PPP1R14C: variants seen among roughly 807,000 people sequenced by gnomAD.
PPP1R14C encodes protein phosphatase 1 regulatory subunit 14C.
In PPP1R14C, 16 loss-of-function variants were observed where a neutral mutation model predicts 20.4. The ratio of observed to expected loss-of-function variants is 0.78; its 90% CI spans 0.53 to 1.19. The LOEUF is 1.19. Ranked by LOEUF, PPP1R14C falls within the 50% of genes most tolerant of loss-of-function variation. The pLI, the probability that PPP1R14C is intolerant of heterozygous loss-of-function variation, is 0.00. For synonymous variants in PPP1R14C, 91 were observed against 91.0 expected, an observed-to-expected ratio of 1.00 and a Z score of 0.00; for missense variants, 211 against 220.1, an observed-to-expected ratio of 0.96 and a Z score of 0.26.
At chr6:150,167,192 C>G (rs1054168447) in intron 1 of PPP1R14C, among the ~76,000 whole-genome samples, 1 of 152,048 alleles carries the variant, frequency 6.6e-6, no homozygotes, top group Admixed American at 6.6e-5. Flanking sequence ...CATGGCAAAC[C>G]CCATCTCTAC....
intron 3 of PPP1R14C, among the ~76,000 whole-genome samples, chr6:150,229,686 AG>A (rs1487466366): frequency 6.6e-6 from 1 of 152,142 alleles, no homozygotes; most frequent in Admixed American, 6.6e-5. Flanking sequence ...AAGTTAAAGG[AG>A]GGGGAAAAAA....
chr6:150,216,940 A>T (rs1582923243), intron 3 of PPP1R14C, 84 bp downstream of exon 3: 1 of 1,137,772 alleles, frequency 8.8e-7, no homozygotes, highest in East Asian at 2.4e-5. Context: ...AAACCACAAT[A>T]AGTAGGTTTG....
intron 1 of PPP1R14C, among the ~76,000 whole-genome samples, chr6:150,187,562 C>T (rs1490172095): frequency 2.0e-5 from 3 of 152,028 alleles, no homozygotes; most frequent in African/African-American, 4.8e-5. Context: ...TTTTCTGTTC[C>T]TGCATTAGTT....
chr6:150,200,377 C>T (rs1438870143), intron 1 of PPP1R14C, among the ~76,000 whole-genome samples: 1 of 152,148 alleles, frequency 6.6e-6, no homozygotes, highest in Non-Finnish European at 1.5e-5. Flanking sequence ...AATTACTCGC[C>T]TCTCTGGGAC....
intron 1 of PPP1R14C, among the ~76,000 whole-genome samples, chr6:150,182,373 T>C (rs1258954259): frequency 1.3e-5 from 2 of 152,202 alleles, no homozygotes; most frequent in Non-Finnish European, 1.5e-5. Flanking sequence ...GGCTGGGAAG[T>C]CCAAGGTTAG....
chr6:150,195,679 A>G (rs1777795793), intron 1 of PPP1R14C: 1 of 202,144 alleles, frequency 4.9e-6, no homozygotes, highest in Non-Finnish European at 8.8e-6. Context: ...TACACATAAT[A>G]TAAAATTTAA....
intron 3 of PPP1R14C, among the ~76,000 whole-genome samples, chr6:150,243,571 A>G (rs1778457605): frequency 6.6e-6 from 1 of 152,242 alleles, no homozygotes; most frequent in Non-Finnish European, 1.5e-5. Flanking sequence ...ACCTGATTTC[A>G]GGATTTACTA....
intron 2 of PPP1R14C, among the ~76,000 whole-genome samples, chr6:150,215,341 A>G (rs1778078077): frequency 2.0e-5 from 3 of 152,212 alleles, no homozygotes. Context: ...GGATATTGAG[A>G]TGTCTAGTAT....
At chr6:150,176,784 G>C (rs1777567617) in intron 1 of PPP1R14C, among the ~76,000 whole-genome samples, 1 of 152,240 alleles carries the variant, frequency 6.6e-6, no homozygotes, top group African/African-American at 2.4e-5. Flanking sequence ...CAGGTGTCTG[G>C]GTTTGCAGAG....
chr6:150,230,270 G>A (rs1433468619), intron 3 of PPP1R14C, among the ~76,000 whole-genome samples: 1 of 152,126 alleles, frequency 6.6e-6, no homozygotes, highest in Non-Finnish European at 1.5e-5. Context: ...CCACCCATCT[G>A]CTAATGTCAG....
At chr6:150,171,056 T>C (rs1415827400) in intron 1 of PPP1R14C, among the ~76,000 whole-genome samples, 1 of 152,022 alleles carries the variant, frequency 6.6e-6, no homozygotes, top group Non-Finnish European at 1.5e-5. Flanking sequence ...GACCCTCCAT[T>C]GGAGCGGTAC....
intron 3 of PPP1R14C, among the ~76,000 whole-genome samples, chr6:150,218,062 A>C (rs1235651986): frequency 1.3e-5 from 2 of 152,176 alleles, no homozygotes; most frequent in Admixed American, 1.3e-4. Context: ...ACTTGAGTGC[A>C]GCAGTTCAAG....
At chr6:150,217,195 ATTTTTTTT>A (rs397886649) in intron 3 of PPP1R14C, among the ~76,000 whole-genome samples, 3 of 135,654 alleles carry the variant, frequency 2.2e-5, no homozygotes, top group Non-Finnish European at 4.8e-5. Flanking sequence ...ATTGGTATGT[ATTTTTTTT>A]TTTTTTTTTT....
chr6:150,158,180 G>C (rs1021447391), intron 1 of PPP1R14C, among the ~76,000 whole-genome samples: 3 of 152,010 alleles, frequency 2.0e-5, no homozygotes, highest in African/African-American at 7.3e-5. Flanking sequence ...CAAAAGCTCA[G>C]AATATTTATG....
At chr6:150,167,375 A>G (rs369998561) in intron 1 of PPP1R14C, among the ~76,000 whole-genome samples, 17 of 151,422 alleles carry the variant, frequency 1.1e-4, no homozygotes, top group Admixed American at 6.6e-4. Flanking sequence ...CTCGGGGGGG[A>G]AAAAAACAAA....
chr6:150,249,860 T>C lies in PPP1R14C; in HGVS notation c.*1040T>C, dbSNP rs1414094662. On this transcript the variant is annotated 3_prime_UTR_variant, in exon 4 of 4. Transcript: ENST00000361131. ...AGTGTCAAGGTGAGAAAGCCTCACATTCTCTCAAGACAGTTGCTCTAGGAG... is the reference window on the plus strand; with the variant it reads ...AGTGTCAAGGTGAGAAAGCCTCACACTCTCTCAAGACAGTTGCTCTAGGAG... The C allele has an allele frequency of 4.0e-6, 1 of 247,968 alleles. No individual in the cohort carries two copies. The allele number at this position is 247,968 out of a possible 1,614,324, so 15.4% of individuals were successfully genotyped here. A position where few individuals can be genotyped will look rare whatever the true frequency, so the allele number is the denominator to read the frequency against.
At chr6:150,239,185 C>CAT (rs1280505545) in intron 3 of PPP1R14C, among the ~76,000 whole-genome samples, 3 of 152,194 alleles carry the variant, frequency 2.0e-5, no homozygotes, top group Non-Finnish European at 4.4e-5. Context: ...CACTCGTGTT[C>CAT]ATCCTTTCTT....
chr6:150,225,545 T>A (rs74353042), intron 3 of PPP1R14C, among the ~76,000 whole-genome samples: 6,098 of 152,300 alleles, frequency 0.04, 392 homozygotes, highest in African/African-American at 0.14. Flanking sequence ...CTCACTTCCC[T>A]TGTGGATCTA....
chr6:150,225,428 G>T (rs1778219978), intron 3 of PPP1R14C, among the ~76,000 whole-genome samples: 1 of 152,140 alleles, frequency 6.6e-6, no homozygotes, highest in African/African-American at 2.4e-5. Context: ...CTCATCCTTT[G>T]GTTCCCACAA....
Sources: allele counts gnomAD v4.1 joint callset (sites outside exome capture counted in the v4.1 genomes callset), GRCh38; gene constraint gnomAD v4.1.1; transcripts MANE v1.5; gene names NCBI Gene and HGNC (gene_info 2026-07-23, HGNC 2026-07-21).